TMEM256: variants seen among roughly 807,000 people sequenced by gnomAD.
The protein encoded by TMEM256 is transmembrane protein 256.
In TMEM256, 14 loss-of-function variants were observed where a neutral mutation model predicts 14.8. The observed-to-expected ratio is 0.95, with a 90% CI of 0.63 to 1.48. The LOEUF is 1.48. Ranked by LOEUF, TMEM256 falls within the 40% of genes most tolerant of loss-of-function variation. The pLI is 0.00. For missense variants in TMEM256, 146 were observed against 137.9 expected, an observed-to-expected ratio of 1.06 and a Z score of -0.30; for synonymous variants, 68 against 60.7, an observed-to-expected ratio of 1.12 and a Z score of -0.56.
At chr17:7,403,579 C>T (rs1597702259) in intron 2 of TMEM256, 79 bp downstream of exon 2, 1 of 1,577,540 alleles carries the variant, frequency 6.3e-7, no homozygotes, top group Non-Finnish European at 8.7e-7. Context: ...ACCCTCTCCC[C>T]GCCCACTTCC....
intron 1 of TMEM256, 59 bp from the exon 2 acceptor site, chr17:7,403,748 C>T: frequency 1.3e-6 from 2 of 1,582,816 alleles, no homozygotes; most frequent in Non-Finnish European, 1.7e-6. Context: ...CGCCCCCAAT[C>T]CGGGGGGACC....
rs377414032 is a variant in TMEM256 at position 7,403,224 on chromosome 17, G to A, written c.199-15C>T. The A allele has an allele frequency of 1.2e-6, 2 of 1,614,082 alleles. No individual in the cohort carries two copies. The highest frequency in any genetic ancestry group is 1.7e-6 in the Non-Finnish European group (2 of 1,180,024). ...AATAACCCAGCCTGAAGGAGACACA[G>A]CACAGAAAACAGGATTGTTAAGAAC... On this transcript the variant is annotated splice_polypyrimidine_tract_variant and intron_variant, in intron 3 of 3. Coordinates refer to ENST00000302422, the MANE Select transcript of TMEM256 (RefSeq NM_152766.5).
intron 1 of TMEM256, 36 bp downstream of exon 1, chr17:7,403,964 C>A (rs780920336): frequency 1.3e-6 from 2 of 1,537,824 alleles, no homozygotes; most frequent in East Asian, 4.8e-5. Flanking sequence ...GAGGACGCCC[C>A]AAGTACAGTC....
intron 1 of TMEM256, 22 bp from the exon 2 acceptor site, chr17:7,403,711 G>A: frequency 6.2e-7 from 1 of 1,613,194 alleles, no homozygotes; most frequent in Non-Finnish European, 8.5e-7. Context: ...AGAAGCAAAG[G>A]TTAGCGGTCC....
chr17:7,403,992 C>T lies in TMEM256; in HGVS notation c.85+8G>A, dbSNP rs757876378. ...GTACAGTCCCATCTTCGTCCCCAGC[C>T]CCCTGACCGTGCGCCCCGTAGGAAG... On this transcript the variant is annotated splice_region_variant and intron_variant, in intron 1 of 3. Coordinates refer to ENST00000302422, the MANE Select transcript of TMEM256 (RefSeq NM_152766.5). The T allele has an allele frequency of 2.2e-5, 34 of 1,581,068 alleles. No individual in the cohort carries two copies. Among genetic ancestry groups the T allele is most frequent in the Non-Finnish European group, 2.8e-5 (33 of 1,162,310 alleles).
In TMEM256 at chr17:7,402,992, T is replaced by C; in HGVS notation, c.*74A>G. 1.0e-5 allele frequency: 16 copies of C among 1,534,556 alleles called. No individual in the cohort carries two copies. Among genetic ancestry groups the C allele is most frequent in the Non-Finnish European group, 1.4e-5 (16 of 1,145,368 alleles). ...CTCCAAAGTTTATTTGCCTTTCCTT[T>C]TTAATCCTCTTCTTACTCCAACTCT... On this transcript the variant is annotated 3_prime_UTR_variant, in exon 4 of 4. Coordinates refer to ENST00000302422, the MANE Select transcript of TMEM256 (RefSeq NM_152766.5).
At position 7,403,297 on chromosome 17, in the gene TMEM256, A is replaced by G. The variant is rs781359757; in HGVS notation, c.198+13T>C. ...GTGGGGCTTGGTCAGGGTTAGGCGC[A>G]GGGAAAGATTACCCAGAGTGGCTTT... On this transcript the variant is annotated intron_variant, in intron 3 of 3. Transcript: ENST00000302422. 1 of 1,614,202 alleles carries G rather than the reference A, an allele frequency of 6.2e-7. No individual in the cohort carries two copies. Among genetic ancestry groups the G allele is most frequent in the Admixed American group, 1.7e-5 (1 of 60,030 alleles).
rs759314572 is a variant in TMEM256, at chr17:7,403,128, G to A, written c.280C>T (p.Gln94Ter). 8 of 1,614,220 alleles carry A rather than the reference G, an allele frequency of 5.0e-6. No individual in the cohort carries two copies. The highest frequency in any genetic ancestry group is 5.9e-6 in the Non-Finnish European group (7 of 1,180,036). Residue 94 changes from glutamine (Q) to a stop codon, truncating the protein, a stop_gained, in exon 4 of 4, where the codon CAG becomes TAG. Transcript: ENST00000302422. LOFTEE classifies it high-confidence loss of function. The part of the protein sequence containing the change: ...YQALSGDPSI[Q>*]TLAPAGGTLL... ...GTCCCTCCCGCAGGGGCCAAAGTCTGGATGCTGGGGTCTCCACTCAGAGCC... is the reference window on the plus strand; with the variant it reads ...GTCCCTCCCGCAGGGGCCAAAGTCTAGATGCTGGGGTCTCCACTCAGAGCC...
At position 7,403,100 on chromosome 17, in the gene TMEM256, A is replaced by G. The variant is rs1384200845; in HGVS notation, c.308T>C (p.Leu103Pro). 1.2e-6 allele frequency: 2 copies of G among 1,614,000 alleles called. No homozygotes were observed. Among genetic ancestry groups the G allele is most frequent in the Admixed American group, 3.3e-5 (2 of 60,008 alleles). The part of the protein sequence containing the change: ...IQTLAPAGGT[L>P]LLLGWLALAL Reference sequence around the variant, plus strand: ...CAAGGCAAGCCAGCCCAAGAGTAGCAGGGTCCCTCCCGCAGGGGCCAAAGT... The same window carrying G: ...CAAGGCAAGCCAGCCCAAGAGTAGCGGGGTCCCTCCCGCAGGGGCCAAAGT... The change falls in exon 4 of 4, where the codon CTG becomes CCG. Residue 103 changes from leucine (L) to proline (P), a missense_variant. Transcript: ENST00000302422.
intron 1 of TMEM256, 68 bp downstream of exon 1, chr17:7,403,932 T>C: frequency 6.8e-7 from 1 of 1,471,722 alleles, no homozygotes; most frequent in Non-Finnish European, 9.1e-7. Flanking sequence ...TCCCATAGGT[T>C]ACGCCCTTGC....
chr17:7,403,875 A>C (rs548294369), intron 1 of TMEM256, 125 bp downstream of exon 1: 5 of 1,305,026 alleles, frequency 3.8e-6, no homozygotes, highest in East Asian at 5.2e-5. Flanking sequence ...GGACTTTAAA[A>C]GGTTTAGGGC....
In TMEM256 at chr17:7,404,060, G is replaced by T. The variant is rs553087076; in HGVS notation, c.25C>A (p.Arg9Ser). 5 of 1,599,188 alleles carry T rather than the reference G, an allele frequency of 3.1e-6. No individual in the cohort carries two copies. In the East Asian group the frequency reaches 1.1e-4, roughly 36 times the overall value. ...GCTCCGGACAAGGCGCCCAAGCGGC[G>T]GAAAGCTGCAGCTGGCCCGGCCATA... MAGPAAAF[R>S]RLGALSGAAA... The change falls in exon 1 of 4, where the codon CGC (arginine) becomes AGC (serine). Residue 9 changes from arginine (R) to serine (S), a missense_variant. Coordinates refer to ENST00000302422, the MANE Select transcript of TMEM256 (RefSeq NM_152766.5).
rs1491261744 is a variant in TMEM256, at chr17:7,403,794, C to CCT, written c.86-106_86-105insAG. 44 of 907,946 alleles carry CCT rather than the reference C, an allele frequency of 4.8e-5. 2 individuals carry two copies. Among genetic ancestry groups the CCT allele is most frequent in the Non-Finnish European group, 6.7e-5 (43 of 640,288 alleles). The allele number at this position is 907,946 out of a possible 1,614,324, so 56.2% of individuals were successfully genotyped here. A position where few individuals can be genotyped will look rare whatever the true frequency, so the allele number is the denominator to read the frequency against. ...TTGGCGAGAAAGGGCACCCCCCCCC[C>CCT]CGCCCCAGGAAGCTTCCGATTGGTG... On this transcript the variant is annotated intron_variant, in intron 1 of 3. Transcript: ENST00000302422.
rs372996343 is a variant in TMEM256, at chr17:7,403,210, C to T, written c.199-1G>A. ...TTCCGGAAGCTAGCAATAACCCAGCCTGAAGGAGACACAGCACAGAAAACA... is the reference window on the plus strand; with the variant it reads ...TTCCGGAAGCTAGCAATAACCCAGCTTGAAGGAGACACAGCACAGAAAACA... On this transcript the variant is annotated splice_acceptor_variant, in intron 3 of 3. Transcript: ENST00000302422. LOFTEE classifies it high-confidence loss of function. 1 of 1,614,138 alleles carries T rather than the reference C, an allele frequency of 6.2e-7. No individual in the cohort carries two copies. The highest frequency in any genetic ancestry group is 8.5e-7 in the Non-Finnish European group (1 of 1,180,014).
intron 2 of TMEM256, 79 bp downstream of exon 2, chr17:7,403,579 C>A: frequency 6.3e-7 from 1 of 1,577,552 alleles, no homozygotes; most frequent in Non-Finnish European, 8.7e-7. Context: ...ACCCTCTCCC[C>A]GCCCACTTCC....
intron 1 of TMEM256, 27 bp from the exon 2 acceptor site, chr17:7,403,716 C>T (rs1362245948): frequency 6.2e-7 from 1 of 1,612,252 alleles, no homozygotes; most frequent in Non-Finnish European, 8.5e-7. Flanking sequence ...CAAAGGTTAG[C>T]GGTCCTAGTG....
In TMEM256 at chr17:7,404,042, A is replaced by G. The variant is rs771015093; in HGVS notation, c.43T>C (p.Ser15Pro). ...AAAFRRLGAL[S>P]GAAALGFASY... ...GCGAAGCCTAAGGCCGCAGCTCCGG[A>G]CAAGGCGCCCAAGCGGCGGAAAGCT... The change falls in exon 1 of 4, where the codon TCC (serine) becomes CCC (proline). Residue 15 changes from serine to proline, a missense_variant. By Grantham distance (74) the Ser-to-Pro change is moderately conservative. Coordinates refer to ENST00000302422, the MANE Select transcript of TMEM256 (RefSeq NM_152766.5). 2 of 1,602,376 alleles carry G rather than the reference A, an allele frequency of 1.2e-6. No individual in the cohort carries two copies. Among genetic ancestry groups the G allele is most frequent in the Non-Finnish European group, 8.5e-7 (1 of 1,174,562 alleles).
In TMEM256 at chr17:7,403,195, T is replaced by G. The variant is rs1906405388; in HGVS notation, c.213A>C (p.Leu71=). The G allele has an allele frequency of 6.2e-7, 1 of 1,613,994 alleles. No homozygotes were observed. The highest frequency in any genetic ancestry group is 8.5e-7 in the Non-Finnish European group (1 of 1,180,030). Residue 71 remains leucine (L), a synonymous_variant, in exon 4 of 4, where the codon CTA becomes CTC. Transcript: ENST00000302422. ...CRKPLWAGLL[L]ASGTTLFCTS... is the part of the protein sequence containing the mutation. ...TGCAGAATAAGGTCGTTCCGGAAGC[T>G]AGCAATAACCCAGCCTGAAGGAGAC...
At chr17:7,403,414 G>A (rs1372466672) in intron 2 of TMEM256, 24 bp from the exon 3 acceptor site, 3 of 1,607,148 alleles carry the variant, frequency 1.9e-6, no homozygotes, top group Non-Finnish European at 2.6e-6. Flanking sequence ...AGAAACGAAG[G>A]GATGTCGTAG....
Sources: allele counts gnomAD v4.1 joint callset, GRCh38; gene constraint gnomAD v4.1.1; transcripts MANE v1.5; gene names NCBI Gene and HGNC (gene_info 2026-07-23, HGNC 2026-07-21).